The following SMG1 variants were observed in gnomAD, a reference collection of about 807,000 sequenced individuals.
SMG1 encodes the protein SMG1 nonsense mediated mRNA decay associated PI3K related kinase.
A neutral mutation model predicts 419.9 loss-of-function variants in SMG1; 22 were observed. The observed-to-expected ratio is 0.05, with a 90% CI of 0.04 to 0.07. The LOEUF (loss-of-function observed/expected upper bound fraction) is 0.07, where lower values mean the gene tolerates loss of function less well. Ranked by LOEUF, SMG1 falls within the 10% of genes least tolerant of loss-of-function variation. SMG1 has a pLI of 1.00. For missense variants in SMG1, 3,185 were observed against 4,342.0 expected (o/e 0.73, Z 7.49); for synonymous variants, 1,538 against 1,553.5 (o/e 0.99, Z 0.23).
intron 50 of SMG1, 80 bp downstream of exon 50, chr16:18,834,124 T>C (rs2033393054): frequency 4.8e-6 from 5 of 1,046,034 alleles, no homozygotes; most frequent in South Asian, 3.2e-5. Context: ...GGAAGTCAAA[T>C]TGCTTTCCTG....
intron 60 of SMG1, 77 bp downstream of exon 60, chr16:18,815,098 C>T (rs1183095331): frequency 1.1e-6 from 1 of 895,716 alleles, no homozygotes; most frequent in East Asian, 2.6e-5. Flanking sequence ...TAATATTAGA[C>T]AGTTATGTAT....
intron 35 of SMG1, 57 bp from the exon 36 acceptor site, chr16:18,849,435 T>A: frequency 6.7e-7 from 1 of 1,499,790 alleles, no homozygotes; most frequent in Non-Finnish European, 9.1e-7. Context: ...ATGAAGAAAC[T>A]ATCAGCATCG....
chr16:18,882,457 A>C, intron 9 of SMG1, 119 bp from the exon 10 acceptor site: 1 of 540,086 alleles, frequency 1.9e-6, no homozygotes, highest in Non-Finnish European at 3.0e-6. Context: ...TTTTAGAAAG[A>C]GAACTGTGGC....
chr16:18,890,210 C>T (rs1470724263), intron 5 of SMG1, among the ~76,000 whole-genome samples: 1 of 152,186 alleles, frequency 6.6e-6, no homozygotes, highest in Non-Finnish European at 1.5e-5. Flanking sequence ...CTCCTTTTTA[C>T]CTCTATTCTC....
At chr16:18,864,719 C>T (rs1334743552) in intron 23 of SMG1, among the ~76,000 whole-genome samples, 1 of 152,108 alleles carries the variant, frequency 6.6e-6, no homozygotes, top group Non-Finnish European at 1.5e-5. Flanking sequence ...TCAAGCAATC[C>T]GCTCACCTCA....
chr16:18,838,759 A>C, intron 42 of SMG1, 70 bp from the exon 43 acceptor site: 1 of 998,962 alleles, frequency 1.0e-6, no homozygotes, highest in Non-Finnish European at 1.5e-6. Flanking sequence ...TGGACGTGAT[A>C]CTATAAAATT....
chr16:18,863,921 A>G, intron 24 of SMG1, 70 bp from the exon 25 acceptor site: 1 of 1,575,050 alleles, frequency 6.3e-7, no homozygotes, highest in Non-Finnish European at 8.6e-7. Context: ...GAGCACAGAA[A>G]CCTAAAAACA....
At chr16:18,924,497 C>T (rs1446791967) in intron 1 of SMG1, among the ~76,000 whole-genome samples, 1 of 152,156 alleles carries the variant, frequency 6.6e-6, no homozygotes, top group Non-Finnish European at 1.5e-5. Flanking sequence ...TTATTTACCA[C>T]CTAATTTGTT....
chr16:18,850,449 GA>G lies in SMG1; in HGVS notation c.5070del (p.Gln1691ArgfsTer2). The G allele has an allele frequency of 6.2e-7, 1 of 1,612,324 alleles. No homozygotes were observed. The highest frequency in any genetic ancestry group is 8.5e-7 in the Non-Finnish European group (1 of 1,179,026). On this transcript the variant is annotated frameshift_variant, in exon 34 of 63. Transcript: ENST00000446231. LOFTEE classifies it high-confidence loss of function. ...PAGIQDEDITLQITESEDNEE... is the reference protein window; with the variant it reads ...PAGIQDEDITXQITESEDNEE... ...TCGTTGTCTTCACTCTCAGTTATCT[GA>G]AGTGTTATATCTTCATCCTGAAGAA... is the stretch of plus-strand genomic sequence containing the variant.
At chr16:18,838,515 T>C in intron 43 of SMG1, 36 bp downstream of exon 43, 1 of 1,614,002 alleles carries the variant, frequency 6.2e-7, no homozygotes, top group Non-Finnish European at 8.5e-7. Context: ...AAAAAACATT[T>C]GGCCCTCATA....
chr16:18,896,286 A>G lies in SMG1; in HGVS notation c.257-79T>C, dbSNP rs1051553717. 8 of 1,320,952 alleles carry G rather than the reference A, an allele frequency of 6.1e-6. No individual in the cohort carries two copies. In the Admixed American group the frequency reaches 8.5e-5, roughly 14 times the overall value. The allele number at this position is 1,320,952 out of a possible 1,614,324, so 81.8% of individuals were successfully genotyped here. A position where few individuals can be genotyped will look rare whatever the true frequency, so the allele number is the denominator to read the frequency against. On this transcript the variant is annotated intron_variant, in intron 2 of 62. Transcript: ENST00000446231. ...CAATTTCCTGATAGCTCAGGATCTT[A>G]TTACTCAATCTGCAGCTCAACCAGC...
rs555078480 is a variant in SMG1 at position 18,868,698 on chromosome 16, G to C, written c.2855C>G (p.Ala952Gly). 22 of 1,306,434 alleles carry C rather than the reference G, an allele frequency of 1.7e-5. No homozygotes were observed. Among genetic ancestry groups the C allele is most frequent in the South Asian group, 3.7e-5 (3 of 82,006 alleles). The allele number at this position is 1,306,434 out of a possible 1,614,324, so 80.9% of individuals were successfully genotyped here. A position where few individuals can be genotyped will look rare whatever the true frequency, so the allele number is the denominator to read the frequency against. The change falls in exon 21 of 63, where the codon GCT becomes GGT. Residue 952 changes from alanine (A) to glycine (G), a missense_variant. By Grantham distance (60) the Ala-to-Gly change is moderately conservative (BLOSUM62 0). Around this residue, in one of 27 missense-constraint regions of SMG1, gnomAD observed 70 missense variants for 185.7 expected, o/e 0.38. Transcript: ENST00000446231. ...ATCCTGATCAGGGTTTAATGTGTGA[G>C]CTGCGAGACTTCGAATGATACCTGA... Reference protein sequence around the residue: ...TIEGIIRSLAAHTLNPDQDVS... With the variant: ...TIEGIIRSLAGHTLNPDQDVS...
intron 29 of SMG1, chr16:18,857,269 A>T (rs2141445743): frequency 6.6e-6 from 1 of 152,338 alleles, no homozygotes; most frequent in East Asian, 1.9e-4. Flanking sequence ...GCATTCTGGC[A>T]ACTTTTCTAT....
chr16:18,815,113 A>T (rs1004509630), intron 60 of SMG1, 62 bp downstream of exon 60: 110 of 1,049,522 alleles, frequency 1.0e-4, no homozygotes, highest in Non-Finnish European at 1.5e-4. Flanking sequence ...ATGTATAATT[A>T]AACATCTTAG....
At position 18,914,942 on chromosome 16, in the gene SMG1, T is replaced by C. The variant is rs569846560; in HGVS notation, c.92+11008A>G. 2.8e-3 allele frequency among the ~76,000 whole-genome samples: 343 copies of C among 123,548 alleles called. 1 individual carries two copies. The highest frequency in any genetic ancestry group is 4.5e-3 in the South Asian group (20 of 4,444). 81.1% of individuals were successfully genotyped at this position (123,548 alleles called of 152,430 possible). On this transcript the variant is annotated intron_variant, in intron 1 of 62. Transcript: ENST00000446231. ...AACATATGAATCTTAAATTACCATATTTTTTTTTTTTTTTTTCTGAGACGG... is the reference window on the plus strand; with the variant it reads ...AACATATGAATCTTAAATTACCATACTTTTTTTTTTTTTTTTCTGAGACGG...
chr16:18,891,353 A>G (rs1299736172), intron 4 of SMG1, among the ~76,000 whole-genome samples: 2 of 152,174 alleles, frequency 1.3e-5, no homozygotes, highest in Non-Finnish European at 2.9e-5. Flanking sequence ...TAAAATTTGG[A>G]AGGAGGAGAA....
At chr16:18,835,256 G>T in intron 48 of SMG1, 92 bp from the exon 49 acceptor site, 1 of 1,286,868 alleles carries the variant, frequency 7.8e-7, no homozygotes, top group Non-Finnish European at 1.1e-6. Flanking sequence ...AAAACTTGAA[G>T]AGTAGAAATC....
In SMG1 at chr16:18,809,409, G is replaced by T; in HGVS notation, c.*160C>A. 1.6e-6 allele frequency: 1 copy of T among 636,882 alleles called. No individual in the cohort carries two copies. The highest frequency in any genetic ancestry group is 2.9e-6 in the Non-Finnish European group (1 of 345,256). 39.5% of individuals were successfully genotyped at this position (636,882 alleles called of 1,614,324 possible). A position where few individuals can be genotyped will look rare whatever the true frequency, so the allele number is the denominator to read the frequency against. On this transcript the variant is annotated 3_prime_UTR_variant, in exon 63 of 63. Transcript: ENST00000446231. Reference sequence around the variant, plus strand: ...GTATCCCTGAGTGCAGCTGTCCTGCGGGATTCACTTCCTAGTGCACCGAGA... The same window carrying T: ...GTATCCCTGAGTGCAGCTGTCCTGCTGGATTCACTTCCTAGTGCACCGAGA...
At position 18,848,006 on chromosome 16, in the gene SMG1, G is replaced by C; in HGVS notation, c.5651C>G (p.Thr1884Ser). ...TTCTCCTTGAATATTGCCAAGTAAAGTTGGAATTGCAGTGGAAAATTTATT... is the reference window on the plus strand; with the variant it reads ...TTCTCCTTGAATATTGCCAAGTAAACTTGGAATTGCAGTGGAAAATTTATT... ...SGNKFSTAIPTLLGNIQGEEL... is the reference protein window; with the variant it reads ...SGNKFSTAIPSLLGNIQGEEL... Residue 1884 changes from threonine to serine, a missense_variant, in exon 37 of 63, where the codon ACT becomes AGT. Coordinates refer to ENST00000446231, the MANE Select transcript of SMG1 (RefSeq NM_015092.5). 1 of 1,613,838 alleles carries C rather than the reference G, an allele frequency of 6.2e-7. No individual in the cohort carries two copies. The highest frequency in any genetic ancestry group is 8.5e-7 in the Non-Finnish European group (1 of 1,179,820).
Sources: gnomAD v4.1 joint callset for allele counts (sites outside exome capture counted in the v4.1 genomes callset) on GRCh38, gnomAD v4.1.1 for gene constraint, gnomAD v4.1.1 regional missense constraint, MANE v1.5 for transcripts, NCBI Gene and HGNC (gene_info 2026-07-23, HGNC 2026-07-21) for gene names.